SLC35F1: variants seen among roughly 807,000 people sequenced by gnomAD.
The protein encoded by SLC35F1 is chromosome 6 open reading frame 169.
SLC35F1 carries 14 observed loss-of-function variants against 48.7 expected under a neutral mutation model. The observed-to-expected ratio is 0.29, with a 90% CI of 0.19 to 0.45. SLC35F1 has a LOEUF of 0.45. Ranked by LOEUF, SLC35F1 falls within the 20% of genes least tolerant of loss-of-function variation. SLC35F1 has a pLI of 1.00. For missense variants in SLC35F1, 404 were observed against 500.0 expected, an observed-to-expected ratio of 0.81 and a Z score of 1.83; for synonymous variants, 190 against 202.2, an observed-to-expected ratio of 0.94 and a Z score of 0.51.
intron 3 of SLC35F1, among the ~76,000 whole-genome samples, chr6:118,258,525 G>A (rs1775673481): frequency 1.3e-5 from 2 of 151,970 alleles, no homozygotes; most frequent in African/African-American, 4.8e-5. Context: ...TTTAAGATGG[G>A]CAGGGATGTT....
intron 3 of SLC35F1, among the ~76,000 whole-genome samples, chr6:118,257,971 A>T (rs981321556): frequency 1.4e-4 from 21 of 152,188 alleles, no homozygotes; most frequent in African/African-American, 5.1e-4. Context: ...GAAAACATAA[A>T]ATACCATAAT....
chr6:118,290,579 T>C (rs1776108955), intron 7 of SLC35F1, among the ~76,000 whole-genome samples: 1 of 152,124 alleles, frequency 6.6e-6, no homozygotes, highest in Non-Finnish European at 1.5e-5. Context: ...TTTATTTGCC[T>C]TAAAGAGTCT....
intron 1 of SLC35F1, among the ~76,000 whole-genome samples, chr6:117,919,180 G>A (rs780056125): frequency 9.2e-5 from 14 of 152,112 alleles, no homozygotes; most frequent in Non-Finnish European, 2.1e-4. Flanking sequence ...ACAGCCATGA[G>A]CCATCACACC....
chr6:118,291,472 G>A (rs1316092002), intron 7 of SLC35F1, among the ~76,000 whole-genome samples: 3 of 152,090 alleles, frequency 2.0e-5, no homozygotes, highest in African/African-American at 7.2e-5. Flanking sequence ...CAGATATATG[G>A]TTTGCAAATA....
intron 1 of SLC35F1, among the ~76,000 whole-genome samples, chr6:118,033,614 T>G (rs1582629889): frequency 2.8e-3 from 1 of 362 alleles, no homozygotes; most frequent in African/African-American, 3.3e-3. Context: ...TTCACACTAG[T>G]TTTTTTTTTT....
chr6:118,178,241 C>T (rs1774521759), intron 2 of SLC35F1, among the ~76,000 whole-genome samples: 1 of 152,000 alleles, frequency 6.6e-6, no homozygotes, highest in Non-Finnish European at 1.5e-5. Flanking sequence ...TCCCTCTCAC[C>T]TTCCTTACCT....
chr6:118,238,669 T>C (rs1775398522), intron 3 of SLC35F1, among the ~76,000 whole-genome samples: 2 of 152,130 alleles, frequency 1.3e-5, no homozygotes, highest in South Asian at 2.1e-4. Context: ...TGGGAGTACA[T>C]GTCCTTCTTC....
At chr6:118,285,787 G>A (rs1274082794) in intron 7 of SLC35F1, among the ~76,000 whole-genome samples, 2 of 152,178 alleles carry the variant, frequency 1.3e-5, no homozygotes, top group Non-Finnish European at 2.9e-5. Context: ...TAGCAAATAT[G>A]AATGGAAAAT....
chr6:118,011,717 G>A (rs1427864796), intron 1 of SLC35F1, among the ~76,000 whole-genome samples: 1 of 152,144 alleles, frequency 6.6e-6, no homozygotes, highest in East Asian at 1.9e-4. Flanking sequence ...ACCTCCTGCT[G>A]TGCTGCCCAA....
chr6:118,071,329 A>C (rs2114299744), intron 1 of SLC35F1, among the ~76,000 whole-genome samples: 1 of 151,208 alleles, frequency 6.6e-6, no homozygotes, highest in African/African-American at 2.4e-5. Flanking sequence ...CTTTTCCTGG[A>C]GTTTCTAATT....
At chr6:118,069,443 T>C (rs1043371449) in intron 1 of SLC35F1, among the ~76,000 whole-genome samples, 3 of 152,208 alleles carry the variant, frequency 2.0e-5, no homozygotes, top group African/African-American at 7.2e-5. Context: ...TATTATTTAA[T>C]ATCTTTTTTT....
chr6:118,219,116 C>A (rs1490869086), intron 2 of SLC35F1, among the ~76,000 whole-genome samples: 2 of 151,984 alleles, frequency 1.3e-5, no homozygotes, highest in African/African-American at 4.8e-5. Flanking sequence ...CTAGTGCCAC[C>A]GTTGGCACAT....
At chr6:118,011,790 T>A (rs1777250992) in intron 1 of SLC35F1, among the ~76,000 whole-genome samples, 1 of 152,140 alleles carries the variant, frequency 6.6e-6, no homozygotes, top group Admixed American at 6.5e-5. Flanking sequence ...CCTACAGTAG[T>A]ACACAGGACA....
intron 2 of SLC35F1, among the ~76,000 whole-genome samples, chr6:118,220,861 A>G (rs980057994): frequency 6.5e-4 from 99 of 152,266 alleles, no homozygotes; most frequent in African/African-American, 2.3e-3. Context: ...GAAGCTTGGC[A>G]TTGTCGAATG....
At chr6:118,229,045 A>T (rs1775255393) in intron 2 of SLC35F1, among the ~76,000 whole-genome samples, 1 of 151,582 alleles carries the variant, frequency 6.6e-6, no homozygotes, top group Non-Finnish European at 1.5e-5. Flanking sequence ...ACTATGAATC[A>T]AGGCTCTTCT....
intron 1 of SLC35F1, among the ~76,000 whole-genome samples, chr6:118,082,179 A>G (rs1477849440): frequency 6.6e-6 from 1 of 152,244 alleles, no homozygotes; most frequent in Non-Finnish European, 1.5e-5. Context: ...ATTAGGGTCT[A>G]GGCAATTACG....
At chr6:118,071,026 C>CTATGTGTATATATA in intron 1 of SLC35F1, among the ~76,000 whole-genome samples, 1 of 142,004 alleles carries the variant, frequency 7.0e-6, no homozygotes, top group Non-Finnish European at 1.5e-5. Flanking sequence ...TATATATATT[C>CTATGTGTATATATA]TACGTGTATA....
chr6:117,971,554 C>G (rs1776638763), intron 1 of SLC35F1, among the ~76,000 whole-genome samples: 1 of 152,266 alleles, frequency 6.6e-6, no homozygotes, highest in Non-Finnish European at 1.5e-5. Context: ...AGCAGAGGCT[C>G]TCCATGAGGG....
chr6:118,059,975 G>A (rs1053970830), intron 1 of SLC35F1, among the ~76,000 whole-genome samples: 3 of 152,184 alleles, frequency 2.0e-5, no homozygotes, highest in Non-Finnish European at 4.4e-5. Flanking sequence ...AATAAGCATG[G>A]TTTGTATCTT....
Sources: gnomAD v4.1 joint callset for allele counts (sites outside exome capture counted in the v4.1 genomes callset) on GRCh38, gnomAD v4.1.1 for gene constraint, MANE v1.5 for transcripts, NCBI Gene and HGNC (gene_info 2026-07-23, HGNC 2026-07-21) for gene names.